AOPEP: variants seen among roughly 807,000 people sequenced by gnomAD.
AOPEP encodes the protein aminopeptidase O (putative), also known as aminopeptidase O.
In AOPEP, 77 loss-of-function variants were observed where a neutral mutation model predicts 98.1. The ratio of observed to expected loss-of-function variants is 0.78; its 90% CI spans 0.65 to 0.95. The LOEUF is 0.95. Ranked by LOEUF, AOPEP falls within the 40% of genes least tolerant of loss-of-function variation. The pLI is 0.00. For missense variants in AOPEP, 1,024 were observed against 1,024.7 expected (o/e 1.00, Z 0.01); for synonymous variants, 346 against 365.3 (o/e 0.95, Z 0.60).
At chr9:94,921,572 A>G (rs2053625335) in intron 5 of AOPEP, among the ~76,000 whole-genome samples, 1 of 152,224 alleles carries the variant, frequency 6.6e-6, no homozygotes, top group South Asian at 2.1e-4. Flanking sequence ...TCTCCTTGAA[A>G]GAATATTCTG....
the AOPEP span, chr9:95,117,322 G>A: frequency 4.3e-6 from 7 of 1,614,018 alleles, no homozygotes; most frequent in Non-Finnish European, 5.9e-6. Flanking sequence ...CACCTTGAGG[G>A]TCTTGCAGCA....
chr9:94,999,935 A>G (rs1001602356), intron 11 of AOPEP, among the ~76,000 whole-genome samples: 4 of 152,236 alleles, frequency 2.6e-5, no homozygotes, highest in Admixed American at 2.0e-4. Context: ...TGATCTCTGT[A>G]AACGTTTTTA....
intron 2 of AOPEP, 28 bp from the exon 3 acceptor site, chr9:94,772,974 C>T: frequency 1.3e-6 from 2 of 1,557,228 alleles, no homozygotes; most frequent in South Asian, 1.2e-5. Context: ...AGATTCACCC[C>T]CTTTCTTTCT....
chr9:95,034,818 C>T (rs1254006597), intron 13 of AOPEP, among the ~76,000 whole-genome samples: 4 of 152,146 alleles, frequency 2.6e-5, no homozygotes, highest in Admixed American at 6.5e-5. Flanking sequence ...AGAAGAGGAG[C>T]TTGAGAAGCG....
intron 16 of AOPEP, chr9:95,086,455 G>T (rs189483486): frequency 1.0e-6 from 1 of 985,262 alleles, no homozygotes; most frequent in Non-Finnish European, 1.2e-6. Context: ...TATTGTGTAC[G>T]CAAAGCCTGA....
At chr9:94,989,425 CG>C (rs1564489753) in intron 11 of AOPEP, among the ~76,000 whole-genome samples, 2 of 151,792 alleles carry the variant, frequency 1.3e-5, no homozygotes. Context: ...TTAGTAGAGA[CG>C]GGCTTTCACC....
intron 14 of AOPEP, among the ~76,000 whole-genome samples, chr9:95,061,663 AT>A (rs1314533830): frequency 6.6e-6 from 1 of 152,246 alleles, no homozygotes; most frequent in Non-Finnish European, 1.5e-5. Context: ...TTTGGGATAT[AT>A]TAGGTTAAAT....
intron 11 of AOPEP, among the ~76,000 whole-genome samples, chr9:94,996,253 T>C (rs541823059): frequency 1.4e-4 from 22 of 152,208 alleles, no homozygotes; most frequent in African/African-American, 5.3e-4. Context: ...ACTGAATGTT[T>C]GGTGAACAAA....
chr9:94,939,379 G>C (rs1424060752), intron 7 of AOPEP, among the ~76,000 whole-genome samples: 2 of 152,174 alleles, frequency 1.3e-5, no homozygotes, highest in Non-Finnish European at 2.9e-5. Flanking sequence ...TTGAAAAGAG[G>C]GAAAGACAAC....
chr9:95,088,451 C>T (rs1048814165), downstream of AOPEP, among the ~76,000 whole-genome samples: 3 of 152,298 alleles, frequency 2.0e-5, no homozygotes, highest in Admixed American at 1.3e-4. Context: ...TCACGTGATC[C>T]ACCTGCCTCG....
At chr9:95,108,015 C>G in the AOPEP span, among the ~76,000 whole-genome samples, 3 of 152,182 alleles carry the variant, frequency 2.0e-5, no homozygotes, top group African/African-American at 7.2e-5. Context: ...AAGCAAAAAC[C>G]GAAAGCCCAT....
the AOPEP span, chr9:95,111,537 G>C: frequency 1.9e-6 from 3 of 1,614,148 alleles, no homozygotes; most frequent in Non-Finnish European, 2.5e-6. Context: ...AGGGCCGTGG[G>C]GGGTTCGGCT....
At chr9:94,798,139 A>C (rs932512768) in intron 4 of AOPEP, among the ~76,000 whole-genome samples, 5 of 152,220 alleles carry the variant, frequency 3.3e-5, no homozygotes, top group Non-Finnish European at 7.3e-5. Flanking sequence ...CTGAGAAGAC[A>C]GTGAAGCCCA....
chr9:94,767,406 A>T (rs1316485396), intron 2 of AOPEP, among the ~76,000 whole-genome samples: 1 of 152,238 alleles, frequency 6.6e-6, no homozygotes, highest in Non-Finnish European at 1.5e-5. Context: ...ATGAGAAATA[A>T]GTAACAAAGC....
At chr9:95,044,328 G>C (rs2065634691) in intron 13 of AOPEP, among the ~76,000 whole-genome samples, 1 of 151,214 alleles carries the variant, frequency 6.6e-6, no homozygotes, top group Non-Finnish European at 1.5e-5. Flanking sequence ...TGGAAACTTA[G>C]ATCCTGCTAC....
At chr9:94,850,122 C>T (rs2043367758) in intron 5 of AOPEP, among the ~76,000 whole-genome samples, 1 of 151,942 alleles carries the variant, frequency 6.6e-6, no homozygotes, top group Non-Finnish European at 1.5e-5. Flanking sequence ...GCCTGAGGTT[C>T]ACCTGCTGTG....
intron 14 of AOPEP, among the ~76,000 whole-genome samples, chr9:95,075,433 C>T (rs1049923476): frequency 6.6e-6 from 1 of 152,142 alleles, no homozygotes; most frequent in African/African-American, 2.4e-5. Flanking sequence ...GACAGATTGA[C>T]AAACCTGGAA....
the AOPEP span, among the ~76,000 whole-genome samples, chr9:95,146,499 A>AAG: frequency 2.6e-5 from 4 of 151,340 alleles, no homozygotes; most frequent in Non-Finnish European, 5.9e-5. Flanking sequence ...AAAAAAAAAA[A>AAG]AAAAAAAAAA....
intron 13 of AOPEP, among the ~76,000 whole-genome samples, chr9:95,005,830 A>T (rs1347678866): frequency 1.3e-5 from 2 of 152,154 alleles, no homozygotes; most frequent in Non-Finnish European, 2.9e-5. Context: ...AGCCCATGAA[A>T]TTTGTTTCAT....
Sources: allele counts gnomAD v4.1 joint callset (sites outside exome capture counted in the v4.1 genomes callset), GRCh38; gene constraint gnomAD v4.1.1; transcripts MANE v1.5; gene names NCBI Gene and HGNC (gene_info 2026-07-23, HGNC 2026-07-21).